The following IL1RAPL1 variants were observed in gnomAD, a reference collection of about 807,000 sequenced individuals.
IL1RAPL1 encodes the protein interleukin-1 receptor accessory protein-like 1.
A neutral mutation model predicts 48.4 loss-of-function variants in IL1RAPL1; 3 were observed. The ratio of observed to expected loss-of-function variants is 0.06; its 90% CI spans 0.03 to 0.16. The LOEUF is 0.16. IL1RAPL1 is among the 10% of genes least tolerant of loss of function. The pLI is 1.00. For missense variants in IL1RAPL1, 349 were observed against 530.6 expected (o/e 0.66, Z 3.36); for synonymous variants, 185 against 187.7 (o/e 0.99, Z 0.12).
intron 5 of IL1RAPL1, among the ~76,000 whole-genome samples, chrX:29,450,962 G>A (rs1045633451): frequency 9.1e-6 from 1 of 110,008 alleles, no homozygotes; most frequent in South Asian, 3.8e-4. Context: ...TAGCAAGTTA[G>A]GTAGTAGGGG....
chrX:29,763,241 G>A (rs1171919689), intron 6 of IL1RAPL1, among the ~76,000 whole-genome samples: 5 of 110,564 alleles, frequency 4.5e-5, no homozygotes, highest in African/African-American at 1.6e-4. Flanking sequence ...TATTATATTA[G>A]TCTTGAATAT....
chrX:29,797,166 A>G (rs1255892050), intron 6 of IL1RAPL1, among the ~76,000 whole-genome samples: 1 of 112,662 alleles, frequency 8.9e-6, no homozygotes, highest in Non-Finnish European at 1.9e-5. Flanking sequence ...TACTCTAATT[A>G]TAATGTAAAT....
chrX:29,052,147 C>A (rs193069496), intron 2 of IL1RAPL1, among the ~76,000 whole-genome samples: 28 of 111,849 alleles, frequency 2.5e-4, no homozygotes, highest in African/African-American at 9.1e-4. Flanking sequence ...TATACCAAAT[C>A]AAACATATTT....
chrX:29,550,250 G>C (rs1277778362), intron 5 of IL1RAPL1, among the ~76,000 whole-genome samples: 1 of 110,723 alleles, frequency 9.0e-6, no homozygotes, highest in Non-Finnish European at 1.9e-5. Flanking sequence ...GGAGTGCAGT[G>C]GCGGGATCTC....
At chrX:29,171,852 A>G (rs1229425957) in intron 2 of IL1RAPL1, among the ~76,000 whole-genome samples, 1 of 112,403 alleles carries the variant, frequency 8.9e-6, no homozygotes, top group Non-Finnish European at 1.9e-5. Flanking sequence ...TTTTGCTTTC[A>G]GCATAACACT....
Position 29,782,072 on chromosome X carries a change from ATCTATCTG to A in IL1RAPL1, c.778+113572_778+113579del, listed in dbSNP as rs1489662225. 3.9e-3 allele frequency among the ~76,000 whole-genome samples: 312 copies of A among 80,648 alleles called. 1 individual carries two copies. The highest frequency in any genetic ancestry group is 0.014 in the African/African-American group (286 of 20,071). The allele number at this position is 80,648 out of a possible 115,157, so 70.0% of individuals were successfully genotyped here. A position where few individuals can be genotyped will look rare whatever the true frequency, so the allele number is the denominator to read the frequency against. On this transcript the variant is annotated intron_variant, in intron 6 of 10. Coordinates refer to ENST00000378993, the MANE Select transcript of IL1RAPL1 (RefSeq NM_014271.4). ...CATTTCAGTTTCGTTGTTGATCCAT[ATCTATCTG>A]TCTGTCTGTCTGTCTGTCTGTCTAT...
intron 8 of IL1RAPL1, among the ~76,000 whole-genome samples, chrX:29,939,792 G>C (rs1026683619): frequency 4.5e-5 from 5 of 110,651 alleles, no homozygotes; most frequent in Non-Finnish European, 9.4e-5. Context: ...TTAAACAGCA[G>C]TTAATGTGTT....
chrX:28,959,978 T>C (rs1924723821), intron 2 of IL1RAPL1, among the ~76,000 whole-genome samples: 1 of 111,675 alleles, frequency 9.0e-6, no homozygotes, highest in Non-Finnish European at 1.9e-5. Context: ...ATACCATGGC[T>C]CAAATGGAGA....
At chrX:29,365,415 G>T (rs779570769) in intron 3 of IL1RAPL1, among the ~76,000 whole-genome samples, 2 of 112,254 alleles carry the variant, frequency 1.8e-5, no homozygotes, top group African/African-American at 3.2e-5. Context: ...AAAGGAAGGG[G>T]CCAGGCACAT....
At chrX:29,726,556 G>T (rs1192485521) in intron 6 of IL1RAPL1, among the ~76,000 whole-genome samples, 1 of 112,451 alleles carries the variant, frequency 8.9e-6, no homozygotes, top group Non-Finnish European at 1.9e-5. Context: ...ATGTACTGAT[G>T]AACATGTAAA....
chrX:29,033,129 A>T (rs1275835899), intron 2 of IL1RAPL1, among the ~76,000 whole-genome samples: 1 of 111,395 alleles, frequency 9.0e-6, no homozygotes, highest in Non-Finnish European at 1.9e-5. Context: ...GAAGTTCCTA[A>T]TTTTAATAAA....
chrX:29,080,636 C>CAA (rs746533497), intron 2 of IL1RAPL1, among the ~76,000 whole-genome samples: 15 of 106,511 alleles, frequency 1.4e-4, no homozygotes, highest in Non-Finnish European at 2.7e-4. Flanking sequence ...CTTAGAATCA[C>CAA]AAAAAAAAGA....
At chrX:29,561,303 A>G (rs1041001642) in intron 5 of IL1RAPL1, among the ~76,000 whole-genome samples, 14 of 112,378 alleles carry the variant, frequency 1.2e-4, no homozygotes. Context: ...AGGGATGGAC[A>G]GAAGGGCATG....
At chrX:29,842,000 G>A (rs147432235) in intron 6 of IL1RAPL1, among the ~76,000 whole-genome samples, 1 of 112,118 alleles carries the variant, frequency 8.9e-6, no homozygotes, top group East Asian at 2.8e-4. Context: ...CACACAGAAT[G>A]CACTTAATGC....
In IL1RAPL1 at chrX:28,692,256, A is replaced by C. The variant is rs1157445116; in HGVS notation, c.-24-97064A>C. Among the ~76,000 whole-genome samples, 19 of 111,199 alleles carry C rather than the reference A, an allele frequency of 1.7e-4. No individual in the cohort carries two copies. In the Admixed American group the frequency reaches 1.7e-3, roughly 10 times the overall value. On this transcript the variant is annotated intron_variant, in intron 1 of 10. Coordinates refer to ENST00000378993, the MANE Select transcript of IL1RAPL1 (RefSeq NM_014271.4). Reference sequence around the variant, plus strand: ...TCCCATCAGGCTCCATCTCCCAACAACACCACACTGGAGATCAAATTTAAA... The same window carrying C: ...TCCCATCAGGCTCCATCTCCCAACACCACCACACTGGAGATCAAATTTAAA...
intron 2 of IL1RAPL1, among the ~76,000 whole-genome samples, chrX:28,799,775 G>A (rs1936652487): frequency 8.9e-6 from 1 of 112,083 alleles, no homozygotes; most frequent in Admixed American, 9.5e-5. Context: ...GATCTAGTGA[G>A]TGTTTGGAGA....
At chrX:29,468,167 C>T (rs1201967189) in intron 5 of IL1RAPL1, among the ~76,000 whole-genome samples, 1 of 112,697 alleles carries the variant, frequency 8.9e-6, no homozygotes, top group Non-Finnish European at 1.9e-5. Context: ...GCCAATTCTG[C>T]TGTCTTTATT....
At chrX:29,196,017 A>C (rs1287912390) in intron 2 of IL1RAPL1, among the ~76,000 whole-genome samples, 2 of 112,075 alleles carry the variant, frequency 1.8e-5, no homozygotes, top group Non-Finnish European at 3.8e-5. Context: ...TATCAAAATA[A>C]CTTGAAGTTA....
intron 2 of IL1RAPL1, among the ~76,000 whole-genome samples, chrX:29,208,788 C>A (rs1446404738): frequency 9.2e-6 from 1 of 109,188 alleles, no homozygotes. Flanking sequence ...TAGTACTTCT[C>A]AGAGTATAGG....
Sources: allele counts gnomAD v4.1 joint callset (sites outside exome capture counted in the v4.1 genomes callset), GRCh38; gene constraint gnomAD v4.1.1; transcripts MANE v1.5; gene names NCBI Gene and HGNC (gene_info 2026-07-23, HGNC 2026-07-21).